VPS4A: variants seen among roughly 807,000 people sequenced by gnomAD.
VPS4A encodes vacuolar protein sorting-associated protein 4A.
A neutral mutation model predicts 52.3 loss-of-function variants in VPS4A; 20 were observed. That is an observed-to-expected ratio of 0.38 (90% CI 0.27 to 0.56). VPS4A has a LOEUF of 0.56. VPS4A is among the 20% of genes least tolerant of loss of function. The pLI, the probability that VPS4A is intolerant of heterozygous loss-of-function variation, is 0.72. For synonymous variants in VPS4A, 293 were observed against 227.7 expected (o/e 1.29, Z -2.58); for missense variants, 419 against 575.9 (o/e 0.73, Z 2.79).
chr16:69,316,472 C>G (rs554536157), intron 3 of VPS4A, 100 bp downstream of exon 3: 22 of 1,493,044 alleles, frequency 1.5e-5, no homozygotes, highest in Non-Finnish European at 1.8e-5. Context: ...TGGGAATGGT[C>G]CTCATAGTGC....
intron 1 of VPS4A, among the ~76,000 whole-genome samples, chr16:69,313,408 CCT>C (rs547212611): frequency 8.6e-5 from 13 of 152,006 alleles, no homozygotes; most frequent in Non-Finnish European, 1.9e-4. Flanking sequence ...ACCCACAACC[CCT>C]CTCTCTCCCA....
rs1414113361 is a variant in VPS4A, at chr16:69,320,638, G to A, written c.770-50G>A. The A allele has an allele frequency of 6.6e-7, 1 of 1,516,130 alleles. No homozygotes were observed. Among genetic ancestry groups the A allele is most frequent in the Non-Finnish European group, 9.0e-7 (1 of 1,114,834 alleles). 93.9% of individuals were successfully genotyped at this position (1,516,130 alleles called of 1,614,324 possible). A position where few individuals can be genotyped will look rare whatever the true frequency, so the allele number is the denominator to read the frequency against. On this transcript the variant is annotated intron_variant, in intron 7 of 10. Coordinates refer to ENST00000254950, the MANE Select transcript of VPS4A (RefSeq NM_013245.3). The surrounding 1 kb of genome is among the most constrained non-coding windows in gnomAD (Gnocchi z 4.2). ...CGGGGTCTGTCCCCAGGTTTCAACT[G>A]ACCCGTGCAGGTGTCCAGAGTCTGA...
chr16:69,320,606 A>G lies in VPS4A; in HGVS notation c.770-82A>G. On this transcript the variant is annotated intron_variant, in intron 7 of 10. Coordinates refer to ENST00000254950, the MANE Select transcript of VPS4A (RefSeq NM_013245.3). The surrounding 1 kb of genome is among the most constrained non-coding windows in gnomAD (Gnocchi z 4.2). ...GGATGGCTTCAATTGCTGACACACAAAGCCCCCGGGGTCTGTCCCCAGGTT... is the reference window on the plus strand; with the variant it reads ...GGATGGCTTCAATTGCTGACACACAGAGCCCCCGGGGTCTGTCCCCAGGTT... The G allele has an allele frequency of 3.2e-6, 4 of 1,252,152 alleles. No individual in the cohort carries two copies. The highest frequency in any genetic ancestry group is 3.4e-6 in the Non-Finnish European group (3 of 893,136). 77.6% of individuals were successfully genotyped at this position (1,252,152 alleles called of 1,614,324 possible).
chr16:69,320,750 G>C lies in VPS4A; in HGVS notation c.832G>C (p.Asp278His). 6.2e-7 allele frequency: 1 copy of C among 1,607,854 alleles called. No individual in the cohort carries two copies. The highest frequency in any genetic ancestry group is 8.5e-7 in the Non-Finnish European group (1 of 1,177,246). ...LGATNIPWVL[D>H]SAIRRRFEKR... ...AGCCACAAACATCCCATGGGTGTTG[G>C]ATTCGGCCATCAGGAGGAGGTGAGT... Residue 278 changes from aspartate (D) to histidine (H), a missense_variant, in exon 8 of 11, where the codon GAT becomes CAT. Transcript: ENST00000254950. This position sits in a 1 kb window ranked among gnomAD's most constrained non-coding sequence, Gnocchi z 4.2.
Position 69,321,098 on chromosome 16 carries a change from C to T in VPS4A, c.899C>T (p.Ala300Val), listed in dbSNP as rs1965504166. ...CCCTTGCCGGAGGAAGCTGCCCGCG[C>T]CCAGATGTTCCGGTTGCATCTCGGG... is the stretch of plus-strand genomic sequence containing the variant. ...YIPLPEEAAR[A>V]QMFRLHLGST... Residue 300 changes from alanine to valine, a missense_variant, in exon 9 of 11, where the codon GCC becomes GTC. Coordinates refer to ENST00000254950, the MANE Select transcript of VPS4A (RefSeq NM_013245.3). This position sits in a 1 kb window ranked among gnomAD's most constrained non-coding sequence, Gnocchi z 4.5. The T allele has an allele frequency of 9.4e-6, 15 of 1,596,652 alleles. No individual in the cohort carries two copies. Among genetic ancestry groups the T allele is most frequent in the Admixed American group, 1.7e-5 (1 of 58,296 alleles).
chr16:69,314,027 G>A (rs1965408014), intron 1 of VPS4A, among the ~76,000 whole-genome samples: 1 of 140,106 alleles, frequency 7.1e-6, no homozygotes, highest in Non-Finnish European at 1.5e-5. Flanking sequence ...TTGCTCTGGT[G>A]TGATCTCGGT....
At chr16:69,319,111 T>G (rs959678798) in intron 5 of VPS4A, among the ~76,000 whole-genome samples, 169 bp downstream of exon 5, 1 of 151,884 alleles carries the variant, frequency 6.6e-6, no homozygotes, top group African/African-American at 2.4e-5. Context: ...AGCTATGAGA[T>G]GACGATCACG....
Position 69,324,190 on chromosome 16 carries a change from A to G in VPS4A, c.1213-18A>G, listed in dbSNP as rs745901745. The G allele has an allele frequency of 1.2e-6, 2 of 1,609,840 alleles. No homozygotes were observed. Among genetic ancestry groups the G allele is most frequent in the Non-Finnish European group, 1.7e-6 (2 of 1,177,876 alleles). On this transcript the variant is annotated intron_variant, in intron 10 of 10. Coordinates refer to ENST00000254950, the MANE Select transcript of VPS4A (RefSeq NM_013245.3). ...TGGAGCCTGGCTCCTGCTCAGGCACATACTGTTGCCTTCACAGTCGGACAT... is the reference window on the plus strand; with the variant it reads ...TGGAGCCTGGCTCCTGCTCAGGCACGTACTGTTGCCTTCACAGTCGGACAT...
In VPS4A at chr16:69,321,922, C is replaced by T. The variant is rs773802489; in HGVS notation, c.1072-638C>T. The T allele has an allele frequency of 5.1e-5, 8 of 156,080 alleles. No homozygotes were observed. The South Asian group carries it at 5.8e-4, about 11-fold the overall frequency. 9.7% of individuals were successfully genotyped at this position (156,080 alleles called of 1,614,324 possible). On this transcript the variant is annotated intron_variant, in intron 9 of 10. Coordinates refer to ENST00000254950, the MANE Select transcript of VPS4A (RefSeq NM_013245.3). This position sits in a 1 kb window ranked among gnomAD's most constrained non-coding sequence, Gnocchi z 4.5. ...TTGGGGGAATGTTTTGCCAAGGCAGCGGACTTCAGTTGGAAAACCACTTTG... is the reference window on the plus strand; with the variant it reads ...TTGGGGGAATGTTTTGCCAAGGCAGTGGACTTCAGTTGGAAAACCACTTTG...
chr16:69,316,401 C>T (rs778243344), intron 3 of VPS4A, 29 bp downstream of exon 3: 4 of 1,610,178 alleles, frequency 2.5e-6, no homozygotes, highest in Non-Finnish European at 3.4e-6. Context: ...CGCCCAGGAA[C>T]CTGGGCCCTC....
Position 69,311,428 on chromosome 16 carries a change from G to A in VPS4A, c.-84G>A. On this transcript the variant is annotated 5_prime_UTR_variant, in exon 1 of 11. Transcript: ENST00000254950. ...CAGCGCCCACCGCCGGGCTTCCCGC[G>A]CCGGACCCAGTACCTCGGCTCCCCG... 1 of 1,219,112 alleles carries A rather than the reference G, an allele frequency of 8.2e-7. No homozygotes were observed. The highest frequency in any genetic ancestry group is 1.0e-6 in the Non-Finnish European group (1 of 968,188). The allele number at this position is 1,219,112 out of a possible 1,614,324, so 75.5% of individuals were successfully genotyped here.
At chr16:69,318,753 G>A (rs1965470145) in intron 4 of VPS4A, 42 bp downstream of exon 4, 2 of 1,613,166 alleles carry the variant, frequency 1.2e-6, no homozygotes, top group South Asian at 1.1e-5. Context: ...GGGGATGAGA[G>A]TGGGTCCGCT....
rs1289714647 is a variant in VPS4A, at chr16:69,319,373, G to A, written c.464-14G>A. On this transcript the variant is annotated splice_polypyrimidine_tract_variant and intron_variant, in intron 5 of 10. Coordinates refer to ENST00000254950, the MANE Select transcript of VPS4A (RefSeq NM_013245.3). ...CCAGTCAGGAGGCCTAACTTCTGTG[G>A]TTCTCTGTTGCAGGCAAGCGCACCC... 1.2e-6 allele frequency: 2 copies of A among 1,613,448 alleles called. No individual in the cohort carries two copies. Among genetic ancestry groups the A allele is most frequent in the South Asian group, 1.1e-5 (1 of 91,056 alleles).
At position 69,320,505 on chromosome 16, in the gene VPS4A, T is replaced by C. The variant is rs1597213826; in HGVS notation, c.770-183T>C. On this transcript the variant is annotated intron_variant, in intron 7 of 10. Coordinates refer to ENST00000254950, the MANE Select transcript of VPS4A (RefSeq NM_013245.3). The surrounding 1 kb of genome is among the most constrained non-coding windows in gnomAD (Gnocchi z 4.2). Reference sequence around the variant, plus strand: ...ACCCCTCCCATGGCAGGCAGTGCCATAGGTCTCACCTGGCACAGCCAGACC... The same window carrying C: ...ACCCCTCCCATGGCAGGCAGTGCCACAGGTCTCACCTGGCACAGCCAGACC... 5 of 804,748 alleles carry C rather than the reference T, an allele frequency of 6.2e-6. No individual in the cohort carries two copies. Among genetic ancestry groups the C allele is most frequent in the Admixed American group, 2.8e-5 (1 of 35,288 alleles). 49.9% of individuals were successfully genotyped at this position (804,748 alleles called of 1,614,324 possible). A position where few individuals can be genotyped will look rare whatever the true frequency, so the allele number is the denominator to read the frequency against.
rs777958278 is a variant in VPS4A at position 69,321,582 on chromosome 16, A to C, written c.1071+312A>C. 2 of 389,348 alleles carry C rather than the reference A, an allele frequency of 5.1e-6. No homozygotes were observed. Among genetic ancestry groups the C allele is most frequent in the Non-Finnish European group, 4.8e-6 (1 of 209,456 alleles). 24.1% of individuals were successfully genotyped at this position (389,348 alleles called of 1,614,324 possible). On this transcript the variant is annotated intron_variant, in intron 9 of 10. Transcript: ENST00000254950. The surrounding 1 kb of genome is among the most constrained non-coding windows in gnomAD (Gnocchi z 4.5). Reference sequence around the variant, plus strand: ...GGGTGGACACCAAATCAGTGTTTGGAAAGTGTTGGATATAAAATGACCAGG... The same window carrying C: ...GGGTGGACACCAAATCAGTGTTTGGCAAGTGTTGGATATAAAATGACCAGG...
intron 3 of VPS4A, 135 bp downstream of exon 3, chr16:69,316,507 T>G: frequency 8.2e-7 from 1 of 1,215,294 alleles, no homozygotes; most frequent in Non-Finnish European, 1.2e-6. Context: ...CAGCAGCTGC[T>G]TTCAGGGAGC....
rs1010457429 is a variant in VPS4A at position 69,324,426 on chromosome 16, C to G, written c.*117C>G. The G allele has an allele frequency of 8.9e-7, 1 of 1,126,728 alleles. No homozygotes were observed. Among genetic ancestry groups the G allele is most frequent in the Non-Finnish European group, 1.3e-6 (1 of 775,788 alleles). The allele number at this position is 1,126,728 out of a possible 1,614,324, so 69.8% of individuals were successfully genotyped here. A position where few individuals can be genotyped will look rare whatever the true frequency, so the allele number is the denominator to read the frequency against. ...GCTTGTCCCAGTCAATACAGAGTTC[C>G]CTCTGCTGTCTGGCCGTCTGCCAGG... On this transcript the variant is annotated 3_prime_UTR_variant, in exon 11 of 11. Transcript: ENST00000254950.
rs1051227039 is a variant in VPS4A at position 69,323,811 on chromosome 16, G to T, written c.1213-397G>T. 6 of 376,954 alleles carry T rather than the reference G, an allele frequency of 1.6e-5. No homozygotes were observed. The Admixed American group carries it at 2.0e-4, about 12-fold the overall frequency. 23.4% of individuals were successfully genotyped at this position (376,954 alleles called of 1,614,324 possible). A position where few individuals can be genotyped will look rare whatever the true frequency, so the allele number is the denominator to read the frequency against. On this transcript the variant is annotated intron_variant, in intron 10 of 10. Coordinates refer to ENST00000254950, the MANE Select transcript of VPS4A (RefSeq NM_013245.3). The stretch of plus-strand genomic sequence containing the variant: ...CTAAAAATACAAAAATCAGCCATGT[G>T]TGGTGGCACGTGCCTGTAGTCCCAG...
At chr16:69,319,657 C>T in intron 6 of VPS4A, 114 bp downstream of exon 6, 5 of 1,373,256 alleles carry the variant, frequency 3.6e-6, no homozygotes, top group Non-Finnish European at 4.9e-6. Flanking sequence ...AGGGAGGGTA[C>T]CCAAGAGCAG....
Sources: gnomAD v4.1 joint callset for allele counts (sites outside exome capture counted in the v4.1 genomes callset) on GRCh38, gnomAD v4.1.1 for gene constraint, Gnocchi (gnomAD v3.1) non-coding constraint, MANE v1.5 for transcripts, NCBI Gene and HGNC (gene_info 2026-07-23, HGNC 2026-07-21) for gene names.